Variants in MTUS2 observed in about 807,000 individuals in gnomAD.
The protein encoded by MTUS2 is microtubule associated scaffold protein 2.
MTUS2 carries 40 observed loss-of-function variants against 114.1 expected under a neutral mutation model. The observed-to-expected ratio is 0.35, with a 90% confidence interval of 0.27 to 0.46. The LOEUF (loss-of-function observed/expected upper bound fraction) is 0.46, where lower values mean the gene tolerates loss of function less well. MTUS2 is among the 20% of genes least tolerant of loss of function. MTUS2 has a pLI of 1.00. For missense variants in MTUS2, 1,679 were observed against 1,705.4 expected, an observed-to-expected ratio of 0.98 and a Z score of 0.27; for synonymous variants, 688 against 672.0, an observed-to-expected ratio of 1.02 and a Z score of -0.37.
At chr13:29,038,879 C>T (rs1887207046) in intron 4 of MTUS2, among the ~76,000 whole-genome samples, 1 of 152,228 alleles carries the variant, frequency 6.6e-6, no homozygotes, top group South Asian at 2.1e-4. Context: ...CAGGAATTGC[C>T]CCTCCCTCAC....
At chr13:29,152,506 A>G (rs770810880) in intron 5 of MTUS2, among the ~76,000 whole-genome samples, 15 of 152,054 alleles carry the variant, frequency 9.9e-5, no homozygotes, top group Non-Finnish European at 1.6e-4. Context: ...CTGGCTCAGG[A>G]TCTCTGTGAG....
chr13:29,169,407 G>T (rs1893459888), intron 5 of MTUS2, among the ~76,000 whole-genome samples: 1 of 152,180 alleles, frequency 6.6e-6, no homozygotes, highest in African/African-American at 2.4e-5. Flanking sequence ...AAATGGTTCT[G>T]AGTGTGTGAT....
intron 5 of MTUS2, among the ~76,000 whole-genome samples, chr13:29,159,983 T>A (rs556006086): frequency 6.6e-6 from 1 of 152,258 alleles, no homozygotes; most frequent in Non-Finnish European, 1.5e-5. Flanking sequence ...CCAGTGATTG[T>A]ATTCCCAGGC....
chr13:28,906,543 G>A (rs1448550242), intron 2 of MTUS2, among the ~76,000 whole-genome samples: 2 of 151,582 alleles, frequency 1.3e-5, no homozygotes, highest in Non-Finnish European at 2.9e-5. Flanking sequence ...TGGTTGTTCA[G>A]TTTCCATATA....
intron 2 of MTUS2, among the ~76,000 whole-genome samples, chr13:28,855,443 G>T (rs1462082462): frequency 6.6e-6 from 1 of 152,026 alleles, no homozygotes; most frequent in Non-Finnish European, 1.5e-5. Flanking sequence ...ACTACTGACA[G>T]GCCCCAGCGT....
At chr13:29,202,880 G>A (rs1895020185) in intron 5 of MTUS2, among the ~76,000 whole-genome samples, 1 of 152,190 alleles carries the variant, frequency 6.6e-6, no homozygotes, top group Non-Finnish European at 1.5e-5. Context: ...TCCTCTGGAA[G>A]GTTTGTCCCA....
chr13:29,321,500 C>G (rs1253338970), intron 6 of MTUS2, among the ~76,000 whole-genome samples: 1 of 152,218 alleles, frequency 6.6e-6, no homozygotes, highest in Non-Finnish European at 1.5e-5. Flanking sequence ...CCAGACCATA[C>G]AAGAGTTCTC....
At chr13:28,943,556 A>G (rs1007915276) in intron 2 of MTUS2, among the ~76,000 whole-genome samples, 5 of 152,126 alleles carry the variant, frequency 3.3e-5, no homozygotes, top group African/African-American at 1.2e-4. Flanking sequence ...GTTTCTGGAC[A>G]TTGTTGGGCA....
rs141244119 is a variant in MTUS2 at position 29,082,399 on chromosome 13, G to A, written c.2447-18374G>A. Among the ~76,000 whole-genome samples the A allele has an allele frequency of 1.0e-3, 158 of 152,308 alleles. 1 individual carries two copies. In the East Asian group the frequency reaches 0.024, roughly 23 times the overall value. On this transcript the variant is annotated intron_variant, in intron 4 of 15. Transcript: ENST00000612955. ...ATGAAAAGTAGCAGCTCTCCAGTGA[G>A]CTCCGTCATGCCTGATGGTGATATT...
chr13:29,093,144 CAAA>C (rs1183063360), intron 4 of MTUS2, among the ~76,000 whole-genome samples: 1 of 152,070 alleles, frequency 6.6e-6, no homozygotes, highest in African/African-American at 2.4e-5. Context: ...AACAAACAAA[CAAA>C]AAACTATGGA....
At chr13:29,388,923 G>T (rs976756747) in intron 8 of MTUS2, among the ~76,000 whole-genome samples, 2 of 151,818 alleles carry the variant, frequency 1.3e-5, no homozygotes, top group African/African-American at 2.4e-5. Flanking sequence ...CTCATTGTAC[G>T]TATATAGCTT....
In MTUS2 at chr13:29,380,480, T is replaced by C. The variant is rs200858105; in HGVS notation, c.3117+21007T>C. On this transcript the variant is annotated intron_variant, in intron 8 of 15. Coordinates refer to ENST00000612955, the MANE Select transcript of MTUS2 (RefSeq NM_001033602.4). ...TCTGCCCTACTCATTTCTCTGGGGG[T>C]TTGACTTGGCATAACCAGTGAGTCG... 4.6e-5 allele frequency among the ~76,000 whole-genome samples: 7 copies of C among 152,338 alleles called. No individual in the cohort carries two copies. In the East Asian group the frequency reaches 1.4e-3, roughly 29 times the overall value.
At chr13:28,911,173 C>CTTT (rs35468877) in intron 2 of MTUS2, among the ~76,000 whole-genome samples, 3 of 79,638 alleles carry the variant, frequency 3.8e-5, no homozygotes, top group Admixed American at 1.5e-4. Context: ...CTGCGCCCTG[C>CTTT]TTTTTTTTTT....
intron 5 of MTUS2, among the ~76,000 whole-genome samples, chr13:29,216,522 C>T (rs1434612036): frequency 2.0e-5 from 3 of 152,168 alleles, no homozygotes; most frequent in Non-Finnish European, 4.4e-5. Context: ...ATGAGGGAAT[C>T]TCCTGGTCTG....
chr13:29,367,941 T>C (rs1039132308), intron 8 of MTUS2, among the ~76,000 whole-genome samples: 1 of 68,914 alleles, frequency 1.5e-5, no homozygotes, highest in Non-Finnish European at 3.1e-5. Context: ...AGAATCTACT[T>C]CTTTTTTTTT....
intron 5 of MTUS2, among the ~76,000 whole-genome samples, chr13:29,274,772 C>G (rs1478898076): frequency 2.0e-5 from 3 of 152,140 alleles, no homozygotes; most frequent in African/African-American, 7.2e-5. Context: ...CTTTATCACC[C>G]AGGCTGGAGT....
chr13:29,193,724 A>G (rs1894544720), intron 5 of MTUS2, among the ~76,000 whole-genome samples: 1 of 152,168 alleles, frequency 6.6e-6, no homozygotes, highest in Non-Finnish European at 1.5e-5. Flanking sequence ...GACTTTCTTC[A>G]CAGAATTGGA....
intron 2 of MTUS2, among the ~76,000 whole-genome samples, chr13:28,911,783 T>C (rs529068602): frequency 1.3e-5 from 2 of 152,242 alleles, no homozygotes; most frequent in Non-Finnish European, 2.9e-5. Flanking sequence ...CATATGTTTA[T>C]TGGCCATATG....
chr13:29,102,863 C>T (rs992442433), intron 5 of MTUS2, among the ~76,000 whole-genome samples: 2 of 152,160 alleles, frequency 1.3e-5, no homozygotes, highest in Non-Finnish European at 2.9e-5. Context: ...ATATGAAGCT[C>T]TTGAGAGAGC....
Sources: gnomAD v4.1 joint callset for allele counts (sites outside exome capture counted in the v4.1 genomes callset) on GRCh38, gnomAD v4.1.1 for gene constraint, MANE v1.5 for transcripts, NCBI Gene and HGNC (gene_info 2026-07-23, HGNC 2026-07-21) for gene names.